The following PEX5L variants were observed in gnomAD, a reference collection of about 807,000 sequenced individuals.
PEX5L encodes PEX5-related protein.
PEX5L carries 30 observed loss-of-function variants against 84.0 expected under a neutral mutation model. The observed-to-expected ratio is 0.36, with a 90% CI of 0.27 to 0.48. PEX5L has a LOEUF of 0.48. Among genes scored for constraint, PEX5L ranks in the 20% least tolerant of loss-of-function variants. PEX5L has a pLI of 0.99. For synonymous variants in PEX5L, 270 were observed against 283.1 expected (o/e 0.95, Z 0.46); for missense variants, 533 against 754.6 (o/e 0.71, Z 3.44).
At chr3:179,959,028 AAAAAC>A (rs1241265590) in intron 2 of PEX5L, among the ~76,000 whole-genome samples, 4 of 149,968 alleles carry the variant, frequency 2.7e-5, no homozygotes, top group African/African-American at 7.4e-5. Flanking sequence ...CTCCATCTCA[AAAAAC>A]AAAACAAAAC....
intron 8 of PEX5L, among the ~76,000 whole-genome samples, chr3:179,827,514 T>C (rs1730986788): frequency 1.3e-5 from 2 of 152,176 alleles, no homozygotes. Flanking sequence ...AGATGAACCA[T>C]CCTCTCTGAG....
At chr3:179,983,414 C>A (rs571210373) in intron 1 of PEX5L, among the ~76,000 whole-genome samples, 20 of 151,840 alleles carry the variant, frequency 1.3e-4, no homozygotes, top group Non-Finnish European at 7.4e-5. Context: ...GTCTGCAGAA[C>A]CCTGATGGTT....
At chr3:179,822,108 G>T (rs1056270306) in intron 8 of PEX5L, among the ~76,000 whole-genome samples, 1 of 152,190 alleles carries the variant, frequency 6.6e-6, no homozygotes, top group Non-Finnish European at 1.5e-5. Flanking sequence ...TAACCTGTCT[G>T]CAGTAGAAGG....
chr3:179,818,410 C>T (rs76520999), intron 9 of PEX5L, among the ~76,000 whole-genome samples: 6,225 of 150,766 alleles, frequency 0.041, 444 homozygotes, highest in African/African-American at 0.14. Flanking sequence ...GGGATATCAT[C>T]ACCTCAAGCA....
rs145438722 is a variant in PEX5L, at chr3:180,023,469, C to T, written c.21+13110G>A. The stretch of plus-strand genomic sequence containing the variant: ...ATTAGGAGAGGCTGATCTTTGGCTT[C>T]GTAAGAAATATCAAGCTTCTCGATG... On this transcript the variant is annotated intron_variant, in intron 1 of 14. Coordinates refer to ENST00000467460, the MANE Select transcript of PEX5L (RefSeq NM_016559.3). Among the ~76,000 whole-genome samples the T allele has an allele frequency of 4.3e-3, 660 of 152,130 alleles. 11 individuals carry two copies. The highest frequency in any genetic ancestry group is 0.015 in the African/African-American group (623 of 41,506).
intron 1 of PEX5L, among the ~76,000 whole-genome samples, chr3:180,023,457 G>C (rs979775739): frequency 3.9e-5 from 6 of 152,160 alleles, no homozygotes. Context: ...AGGAGAGGCT[G>C]ATCTTTGGCT....
At chr3:179,985,128 T>C (rs1786687086) in intron 1 of PEX5L, among the ~76,000 whole-genome samples, 1 of 152,230 alleles carries the variant, frequency 6.6e-6, no homozygotes, top group Admixed American at 6.5e-5. Flanking sequence ...TGGGCACAGC[T>C]CCTGACTTCT....
chr3:179,889,412 A>AT (rs1188880399), intron 3 of PEX5L, among the ~76,000 whole-genome samples: 1 of 152,230 alleles, frequency 6.6e-6, no homozygotes, highest in Non-Finnish European at 1.5e-5. Flanking sequence ...GATAAATCTC[A>AT]TTTAAACATG....
chr3:179,990,286 C>G (rs1787258629), intron 1 of PEX5L, among the ~76,000 whole-genome samples: 1 of 152,224 alleles, frequency 6.6e-6, no homozygotes, highest in African/African-American at 2.4e-5. Context: ...ATCATTTGCA[C>G]TAGAGAAAAG....
At chr3:179,981,323 G>A (rs753718795) in intron 1 of PEX5L, among the ~76,000 whole-genome samples, 1 of 152,128 alleles carries the variant, frequency 6.6e-6, no homozygotes, top group African/African-American at 2.4e-5. Context: ...TATCAGATAT[G>A]TGCTGTAAGA....
chr3:179,836,772 T>C (rs1735110832), intron 8 of PEX5L, among the ~76,000 whole-genome samples: 1 of 152,202 alleles, frequency 6.6e-6, no homozygotes, highest in Non-Finnish European at 1.5e-5. Flanking sequence ...GTGGTATATT[T>C]TAGACTAAAG....
Position 179,809,506 on chromosome 3 carries a change from G to A in PEX5L, c.1317C>T (p.Gly439=), listed in dbSNP as rs781162293. The change falls in exon 12 of 15, where the codon GGC becomes GGT. Residue 439 remains glycine (G), a synonymous_variant. Transcript: ENST00000467460. ...GGGACTTAGACATCCGCCGGGTGAG[G>A]CCTGGAGATCCCTTCTTGCTTTTCA... The part of the protein sequence containing the change: ...YLVKSKKGSP[G]LTRRMSKSPV... 8 of 1,614,052 alleles carry A rather than the reference G, an allele frequency of 5.0e-6. No homozygotes were observed. The South Asian group carries it at 7.7e-5, about 16-fold the overall frequency.
intron 8 of PEX5L, among the ~76,000 whole-genome samples, chr3:179,826,054 C>T (rs1347335745): frequency 6.6e-6 from 1 of 152,064 alleles, no homozygotes; most frequent in Non-Finnish European, 1.5e-5. Context: ...ACAAACAGCC[C>T]GAGGCTCTCA....
At chr3:179,962,667 A>C (rs1177798845) in intron 2 of PEX5L, among the ~76,000 whole-genome samples, 1 of 152,172 alleles carries the variant, frequency 6.6e-6, no homozygotes, top group Non-Finnish European at 1.5e-5. Context: ...TGATCAGATG[A>C]ACCTACTTAA....
intron 1 of PEX5L, among the ~76,000 whole-genome samples, chr3:180,014,120 G>A (rs1789726029): frequency 6.6e-6 from 1 of 152,186 alleles, no homozygotes. Context: ...TGTGTTTTAT[G>A]TTTTCTGTGT....
At chr3:179,853,547 G>C (rs990169763) in intron 8 of PEX5L, among the ~76,000 whole-genome samples, 2 of 152,162 alleles carry the variant, frequency 1.3e-5, no homozygotes, top group Non-Finnish European at 2.9e-5. Flanking sequence ...TGTCACTCCT[G>C]TGCCTCCCTG....
intron 2 of PEX5L, among the ~76,000 whole-genome samples, chr3:179,922,459 T>C (rs1396633001): frequency 1.3e-5 from 2 of 150,984 alleles, no homozygotes; most frequent in African/African-American, 2.4e-5. Context: ...TTCTTTTTTT[T>C]TTTTTTTTTG....
intron 1 of PEX5L, chr3:179,974,211 G>C (rs1260116155): frequency 2.0e-6 from 2 of 984,998 alleles, no homozygotes; most frequent in Non-Finnish European, 1.2e-6. Context: ...AGTAGCCAAA[G>C]GACTGAACTA....
intron 1 of PEX5L, among the ~76,000 whole-genome samples, chr3:179,996,361 C>A (rs914019096): frequency 2.0e-5 from 3 of 152,060 alleles, no homozygotes; most frequent in African/African-American, 7.2e-5. Context: ...TTTGGGCCCA[C>A]TAAGTAGGGA....
Sources: allele counts gnomAD v4.1 joint callset (sites outside exome capture counted in the v4.1 genomes callset), GRCh38; gene constraint gnomAD v4.1.1; transcripts MANE v1.5; gene names NCBI Gene and HGNC (gene_info 2026-07-23, HGNC 2026-07-21).